The following EYA4 variants were observed in gnomAD, a reference collection of about 807,000 sequenced individuals.
EYA4 encodes EYA transcriptional coactivator and phosphatase 4.
EYA4 carries 31 observed loss-of-function variants against 87.9 expected under a neutral mutation model. That is an observed-to-expected ratio of 0.35 (90% CI 0.27 to 0.48). The LOEUF is 0.48. Among genes scored for constraint, EYA4 ranks in the 20% least tolerant of loss-of-function variants. The pLI is 0.99. For missense variants in EYA4, 678 were observed against 761.4 expected (o/e 0.89, Z 1.29); for synonymous variants, 263 against 270.6 (o/e 0.97, Z 0.28).
At chr6:133,355,335 A>G (rs1783932911) in intron 2 of EYA4, among the ~76,000 whole-genome samples, 1 of 152,180 alleles carries the variant, frequency 6.6e-6, no homozygotes, top group South Asian at 2.1e-4. Context: ...TACTGGATGT[A>G]TACCCAAAGA....
At chr6:133,440,178 T>C (rs745827105) in intron 3 of EYA4, among the ~76,000 whole-genome samples, 2 of 152,260 alleles carry the variant, frequency 1.3e-5, no homozygotes, top group Non-Finnish European at 2.9e-5. Context: ...TATTTCATTC[T>C]TATTACTTCC....
chr6:133,495,038 G>T (rs1390264895), intron 13 of EYA4, among the ~76,000 whole-genome samples: 1 of 152,126 alleles, frequency 6.6e-6, no homozygotes, highest in Non-Finnish European at 1.5e-5. Flanking sequence ...GGAGGCCGAA[G>T]TGGGCAGATC....
In EYA4 at chr6:133,462,626, G is replaced by T. The variant is rs764258439; in HGVS notation, c.586G>T (p.Gly196Cys). ...QPYSLPTYDL[G>C]VMLPAIKTES... is the part of the protein sequence containing the mutation. ...ACATTCAATTTTCTGAACAGATTTG[G>T]GTGTGATGTTGCCAGCCATCAAGAC... The change falls in exon 9 of 20, where the codon GGT becomes TGT. Residue 196 changes from glycine (G) to cysteine (C), a missense_variant. Physicochemically the swap from Gly to Cys is radical, Grantham distance 159. Coordinates refer to ENST00000355286, the MANE Select transcript of EYA4 (RefSeq NM_004100.5). The T allele has an allele frequency of 1.2e-6, 2 of 1,613,800 alleles. No individual in the cohort carries two copies. Among genetic ancestry groups the T allele is most frequent in the Admixed American group, 3.3e-5 (2 of 59,952 alleles).
intron 2 of EYA4, among the ~76,000 whole-genome samples, chr6:133,322,191 A>G (rs562854667): frequency 8.5e-5 from 13 of 152,328 alleles, no homozygotes; most frequent in African/African-American, 3.1e-4. Context: ...TCAAGTGACT[A>G]TATCATTTAA....
intron 13 of EYA4, among the ~76,000 whole-genome samples, chr6:133,499,973 A>G (rs141799218): frequency 1.5e-3 from 223 of 151,574 alleles, no homozygotes; most frequent in African/African-American, 5.2e-3. Context: ...TATCTTATAG[A>G]CCAGTATTTA....
chr6:133,526,919 A>G (rs577675430), intron 19 of EYA4, among the ~76,000 whole-genome samples: 18 of 152,342 alleles, frequency 1.2e-4, no homozygotes, highest in Non-Finnish European at 2.6e-4. Flanking sequence ...TTAGGTAAGG[A>G]CTAATATAAT....
chr6:133,393,945 T>C (rs1787531163), intron 3 of EYA4, among the ~76,000 whole-genome samples: 1 of 152,206 alleles, frequency 6.6e-6, no homozygotes, highest in Non-Finnish European at 1.5e-5. Context: ...GATGAGGGCT[T>C]AATAGAGATT....
At chr6:133,354,713 GA>G (rs564290191) in intron 2 of EYA4, among the ~76,000 whole-genome samples, 119 of 152,164 alleles carry the variant, frequency 7.8e-4, no homozygotes, top group African/African-American at 2.5e-3. Flanking sequence ...AGGACTTCTG[GA>G]ACAAGAATAT....
At chr6:133,369,244 G>A (rs1376697716) in intron 2 of EYA4, among the ~76,000 whole-genome samples, 1 of 151,850 alleles carries the variant, frequency 6.6e-6, no homozygotes, top group African/African-American at 2.4e-5. Flanking sequence ...GTTAATATCA[G>A]ATAATAGCAT....
chr6:133,264,713 C>T (rs1005906343), intron 1 of EYA4, among the ~76,000 whole-genome samples: 8 of 152,124 alleles, frequency 5.3e-5, no homozygotes, highest in East Asian at 1.9e-4. Context: ...CCATGTGCAG[C>T]GTCGGTCCTC....
intron 3 of EYA4, among the ~76,000 whole-genome samples, chr6:133,400,516 A>G (rs1788172453): frequency 6.6e-6 from 1 of 152,114 alleles, no homozygotes; most frequent in Non-Finnish European, 1.5e-5. Flanking sequence ...TTGAAAAAAA[A>G]AAAGAAAAAA....
chr6:133,274,607 G>C, intron 1 of EYA4, 109 bp from the exon 2 acceptor site: 1 of 617,018 alleles, frequency 1.6e-6, no homozygotes, highest in Non-Finnish European at 2.9e-6. Context: ...TTGAGAGAAT[G>C]CTCCTACAAG....
At chr6:133,437,775 T>C (rs188319935) in intron 3 of EYA4, among the ~76,000 whole-genome samples, 2 of 152,286 alleles carry the variant, frequency 1.3e-5, no homozygotes, top group South Asian at 2.1e-4. Flanking sequence ...CAAACACTTA[T>C]GACACCATCA....
chr6:133,265,114 T>C (rs1283314783), intron 1 of EYA4, among the ~76,000 whole-genome samples: 5 of 152,156 alleles, frequency 3.3e-5, no homozygotes, highest in African/African-American at 1.2e-4. Flanking sequence ...TGAGAAGAAA[T>C]GTTGAATTTG....
At chr6:133,510,222 A>G (rs1241991760) in intron 14 of EYA4, among the ~76,000 whole-genome samples, 1 of 152,208 alleles carries the variant, frequency 6.6e-6, no homozygotes, top group Admixed American at 6.5e-5. Flanking sequence ...AAATAGAGAA[A>G]TAACTTCTGA....
At chr6:133,352,543 TAAAAG>T (rs573582032) in intron 2 of EYA4, among the ~76,000 whole-genome samples, 207 of 152,280 alleles carry the variant, frequency 1.4e-3, no homozygotes, top group Admixed American at 2.9e-3. Flanking sequence ...ATTTGAATCT[TAAAAG>T]AAATCTAGAA....
intron 16 of EYA4, 65 bp downstream of exon 16, chr6:133,513,103 T>G: frequency 6.8e-7 from 1 of 1,461,348 alleles, no homozygotes; most frequent in South Asian, 1.1e-5. Flanking sequence ...ATCTGTAGTT[T>G]CATGTTAAAG....
intron 2 of EYA4, among the ~76,000 whole-genome samples, chr6:133,279,204 G>T (rs542766185): frequency 2.4e-4 from 37 of 152,196 alleles, no homozygotes; most frequent in Admixed American, 5.9e-4. Flanking sequence ...AGTATTGTAT[G>T]TTATAAAGTA....
At chr6:133,469,069 CT>C (rs1795103269) in intron 11 of EYA4, among the ~76,000 whole-genome samples, 1 of 152,038 alleles carries the variant, frequency 6.6e-6, no homozygotes. Context: ...GCTAAAGAGA[CT>C]GCATAAGCCC....
Sources: allele counts gnomAD v4.1 joint callset (sites outside exome capture counted in the v4.1 genomes callset), GRCh38; gene constraint gnomAD v4.1.1; transcripts MANE v1.5; gene names NCBI Gene and HGNC (gene_info 2026-07-23, HGNC 2026-07-21).